Variants in PLCB1 observed in about 807,000 individuals in gnomAD.
PLCB1 encodes the protein phospholipase C beta 1, also known as 1-phosphatidylinositol 4,5-bisphosphate phosphodiesterase beta-1.
Under a neutral mutation model 161.8 loss-of-function variants are expected in PLCB1, and 46 were observed. The ratio of observed to expected loss-of-function variants is 0.28; its 90% CI spans 0.22 to 0.36. The LOEUF (loss-of-function observed/expected upper bound fraction) is 0.36, where lower values mean the gene tolerates loss of function less well. Ranked by LOEUF, PLCB1 falls within the 10% of genes least tolerant of loss-of-function variation. The pLI, the probability that PLCB1 is intolerant of heterozygous loss-of-function variation, is 1.00. For missense variants in PLCB1, 1,016 were observed against 1,472.5 expected (o/e 0.69, Z 5.07); for synonymous variants, 517 against 503.7 (o/e 1.03, Z -0.35).
intron 25 of PLCB1, among the ~76,000 whole-genome samples, chr20:8,763,452 CTT>C (rs1982150360): frequency 6.6e-6 from 1 of 152,086 alleles, no homozygotes; most frequent in Non-Finnish European, 1.5e-5. Context: ...GTGGCACAAT[CTT>C]GGCTCACTGC....
intron 3 of PLCB1, among the ~76,000 whole-genome samples, chr20:8,575,291 C>T (rs1047499689): frequency 3.3e-5 from 5 of 152,212 alleles, no homozygotes; most frequent in Non-Finnish European, 7.3e-5. Context: ...AACTTCTTAG[C>T]TTATACTTAG....
At chr20:8,291,011 T>G (rs891110934) in intron 2 of PLCB1, among the ~76,000 whole-genome samples, 1 of 151,352 alleles carries the variant, frequency 6.6e-6, no homozygotes, top group African/African-American at 2.4e-5. Flanking sequence ...ACTTGGCTTT[T>G]AGTGGACCCT....
At chr20:8,623,445 A>G (rs1600200197) in intron 3 of PLCB1, among the ~76,000 whole-genome samples, 1 of 152,206 alleles carries the variant, frequency 6.6e-6, no homozygotes, top group East Asian at 1.9e-4. Context: ...TTCTTCATCA[A>G]CAGTTTTCTA....
chr20:8,181,815 T>A (rs1195303018), intron 2 of PLCB1, among the ~76,000 whole-genome samples: 1 of 151,552 alleles, frequency 6.6e-6, no homozygotes, highest in Admixed American at 6.6e-5. Flanking sequence ...AAAATAAAAA[T>A]AAAAAATATC....
chr20:8,746,034 C>T (rs555241673), intron 23 of PLCB1, among the ~76,000 whole-genome samples: 5 of 152,214 alleles, frequency 3.3e-5, no homozygotes, highest in East Asian at 3.9e-4. Context: ...CGGGTTCAAG[C>T]GATTCTCCTG....
At chr20:8,872,505 A>G (rs1987641131) in intron 31 of PLCB1, among the ~76,000 whole-genome samples, 1 of 152,058 alleles carries the variant, frequency 6.6e-6, no homozygotes, top group South Asian at 2.1e-4. Flanking sequence ...GTTTTCTAGG[A>G]GTTGTTTGTC....
chr20:8,741,037 T>C (rs1980853210), intron 22 of PLCB1, among the ~76,000 whole-genome samples: 1 of 152,214 alleles, frequency 6.6e-6, no homozygotes, highest in Non-Finnish European at 1.5e-5. Flanking sequence ...AGGCTTTTTA[T>C]GTAAAATGTC....
chr20:8,642,648 C>A (rs1431433734), intron 4 of PLCB1, among the ~76,000 whole-genome samples: 1 of 152,078 alleles, frequency 6.6e-6, no homozygotes, highest in African/African-American at 2.4e-5. Context: ...ATTAAAATAT[C>A]TTGTTTAAAA....
intron 3 of PLCB1, among the ~76,000 whole-genome samples, chr20:8,554,772 A>G (rs973159067): frequency 6.6e-5 from 10 of 152,140 alleles, no homozygotes; most frequent in Admixed American, 5.9e-4. Flanking sequence ...TGCTGTTAAC[A>G]TAAAAAAATT....
intron 3 of PLCB1, among the ~76,000 whole-genome samples, chr20:8,390,732 AT>A (rs1987562152): frequency 6.6e-6 from 1 of 152,144 alleles, no homozygotes; most frequent in Admixed American, 6.6e-5. Context: ...TAATTTCTGC[AT>A]GCCCCAGGGC....
intron 2 of PLCB1, among the ~76,000 whole-genome samples, chr20:8,274,036 G>A (rs1406085099): frequency 2.0e-5 from 3 of 152,144 alleles, no homozygotes; most frequent in African/African-American, 7.2e-5. Flanking sequence ...TAGTAGAAGT[G>A]ATGAATGGAG....
At chr20:8,182,583 CTTTTTTT>C (rs113760426) in intron 2 of PLCB1, among the ~76,000 whole-genome samples, 4 of 139,246 alleles carry the variant, frequency 2.9e-5, no homozygotes, top group Non-Finnish European at 6.2e-5. Flanking sequence ...TCTTTTTTTT[CTTTTTTT>C]TTTTTTTTGA....
intron 9 of PLCB1, among the ~76,000 whole-genome samples, chr20:8,677,451 A>C (rs1251240796): frequency 2.6e-5 from 4 of 152,190 alleles, no homozygotes; most frequent in African/African-American, 4.8e-5. Context: ...AGAATGAAAA[A>C]ACAGAGGAAA....
At chr20:8,554,886 T>G (rs774749264) in intron 3 of PLCB1, among the ~76,000 whole-genome samples, 1 of 152,132 alleles carries the variant, frequency 6.6e-6, no homozygotes, top group Non-Finnish European at 1.5e-5. Flanking sequence ...AAATCTTATT[T>G]GTGTGAAATT....
At chr20:8,205,868 G>C (rs1440664846) in intron 2 of PLCB1, among the ~76,000 whole-genome samples, 1 of 152,050 alleles carries the variant, frequency 6.6e-6, no homozygotes, top group Non-Finnish European at 1.5e-5. Context: ...TTATGGCTTT[G>C]AGTGTGCATT....
At chr20:8,853,234 G>C (rs937198796) in intron 31 of PLCB1, among the ~76,000 whole-genome samples, 1 of 152,084 alleles carries the variant, frequency 6.6e-6, no homozygotes, top group African/African-American at 2.4e-5. Context: ...GTCCATATAA[G>C]ATAGCCTCAG....
intron 25 of PLCB1, among the ~76,000 whole-genome samples, chr20:8,763,812 C>T (rs181689998): frequency 6.6e-6 from 1 of 152,212 alleles, no homozygotes; most frequent in East Asian, 1.9e-4. Context: ...AGCCAATGCA[C>T]TTGGCCCAGA....
Position 8,462,622 on chromosome 20 carries a change from A to G in PLCB1, c.246+91172A>G, listed in dbSNP as rs16994804. Among the ~76,000 whole-genome samples, 569 of 152,306 alleles carry G rather than the reference A, an allele frequency of 3.7e-3. 19 individuals carry two copies. The East Asian group carries it at 0.038, about 10-fold the overall frequency. On this transcript the variant is annotated intron_variant, in intron 3 of 31. Transcript: ENST00000338037. ...TGATCAGTGTTTTCACCTTCATTCT[A>G]GATTACATTTTAAAGTAAACCAACC...
intron 2 of PLCB1, among the ~76,000 whole-genome samples, chr20:8,363,997 G>A (rs1986626014): frequency 6.6e-6 from 1 of 152,110 alleles, no homozygotes; most frequent in Non-Finnish European, 1.5e-5. Flanking sequence ...TTATTATTAA[G>A]GATATTATTT....
Sources: allele counts gnomAD v4.1 joint callset (sites outside exome capture counted in the v4.1 genomes callset), GRCh38; gene constraint gnomAD v4.1.1; transcripts MANE v1.5; gene names NCBI Gene and HGNC (gene_info 2026-07-23, HGNC 2026-07-21).